Variants in HMGXB3 observed in about 807,000 individuals in gnomAD.
HMGXB3 encodes HMG-box containing 3, also known as HMG domain-containing protein 3.
Under a neutral mutation model 121.5 loss-of-function variants are expected in HMGXB3, and 45 were observed. The ratio of observed to expected loss-of-function variants is 0.37; its 90% CI spans 0.29 to 0.47. The LOEUF (loss-of-function observed/expected upper bound fraction) is 0.47. HMGXB3 is among the 20% of genes least tolerant of loss of function. HMGXB3 has a pLI of 0.99. For missense variants in HMGXB3, 1,376 were observed against 1,602.2 expected, an observed-to-expected ratio of 0.86 and a Z score of 2.41; for synonymous variants, 590 against 624.1, an observed-to-expected ratio of 0.95 and a Z score of 0.81.
At chr5:150,037,078 G>A in intron 12 of HMGXB3, 141 bp downstream of exon 12, 3 of 786,754 alleles carry the variant, frequency 3.8e-6, no homozygotes, top group Admixed American at 3.0e-5. Context: ...TCTGATTGCT[G>A]AAAGTAAAGT....
rs1448225662 is a variant in HMGXB3 at position 150,050,448 on chromosome 5, C to T, written c.3398C>T (p.Thr1133Ile). The change falls in exon 19 of 20, where the codon ACA (threonine) becomes ATA (isoleucine). Residue 1133 changes from threonine (T) to isoleucine (I), a missense_variant. Around this residue, in one of 2 missense-constraint regions of HMGXB3, gnomAD observed 260 missense variants for 233.2 expected, o/e 1.11. Transcript: ENST00000502717. ...AACCAGGGCTGTTTCTCTAGCCCCA[C>T]AGAGCCACCTGTGGTGAGTCACCTC... ...GRNQGCFSSP[T>I]EPPVSVSCPE... The T allele has an allele frequency of 2.6e-6, 4 of 1,551,084 alleles. No individual in the cohort carries two copies. The highest frequency in any genetic ancestry group is 3.5e-6 in the Non-Finnish European group (4 of 1,146,556).
chr5:150,011,591 T>C (rs1421116360), intron 4 of HMGXB3, among the ~76,000 whole-genome samples: 1 of 137,014 alleles, frequency 7.3e-6, no homozygotes, highest in Non-Finnish European at 1.5e-5. Context: ...TTGTTGTTGG[T>C]TGTTTTTTTT....
chr5:150,022,020 C>T (rs1756107699), intron 6 of HMGXB3: 2 of 362,728 alleles, frequency 5.5e-6, no homozygotes, highest in South Asian at 2.2e-5. Context: ...CGCAGCTCCG[C>T]ACCACCTATG....
At chr5:150,032,125 A>C (rs754369596) in intron 10 of HMGXB3, among the ~76,000 whole-genome samples, 1 of 152,332 alleles carries the variant, frequency 6.6e-6, no homozygotes, top group East Asian at 1.9e-4. Flanking sequence ...TTAGTTCACC[A>C]GTCTCAAGCA....
intron 2 of HMGXB3, 84 bp downstream of exon 2, chr5:150,005,073 CTT>C: frequency 6.8e-7 from 1 of 1,467,306 alleles, no homozygotes; most frequent in Non-Finnish European, 9.0e-7. Context: ...TTTTAAGACT[CTT>C]TGAAAAAGAG....
chr5:150,049,921 T>C (rs1756850957), intron 18 of HMGXB3, among the ~76,000 whole-genome samples: 2 of 152,232 alleles, frequency 1.3e-5, no homozygotes, highest in Non-Finnish European at 1.5e-5. Context: ...AACCAGCTCT[T>C]AGCTGCTGCT....
rs1410036454 is a variant in HMGXB3 at position 150,026,940 on chromosome 5, G to T, written c.1636+59G>T. 6.2e-5 allele frequency: 94 copies of T among 1,523,942 alleles called. 1 individual carries two copies. Among genetic ancestry groups the T allele is most frequent in the Non-Finnish European group, 7.3e-5 (83 of 1,130,434 alleles). The allele number at this position is 1,523,942 out of a possible 1,614,324, so 94.4% of individuals were successfully genotyped here. The stretch of plus-strand genomic sequence containing the variant: ...TGTCTGACAGGAAAGGGACAGGAGT[G>T]GGGGGTTGAGAACGGACATAGAGAC... On this transcript the variant is annotated intron_variant, in intron 8 of 19. Coordinates refer to ENST00000502717, the MANE Select transcript of HMGXB3 (RefSeq NM_014983.3).
rs1561864943 is a variant in HMGXB3, at chr5:150,024,277, G to A, written c.1057G>A (p.Val353Ile). 1 of 1,533,138 alleles carries A rather than the reference G, an allele frequency of 6.5e-7. No homozygotes were observed. The allele number at this position is 1,533,138 out of a possible 1,614,324, so 95.0% of individuals were successfully genotyped here. ...ATTTTTCTAGGAAAAGCCAGCCAAA[G>A]TAAAAGTGGAATTGGCTTCTGGCGT... ...KWIPKEKPAK[V>I]KVELASGVSS... The change falls in exon 7 of 20, where the codon GTA becomes ATA. Residue 353 changes from valine to isoleucine, a missense_variant. Around this residue, in one of 2 missense-constraint regions of HMGXB3, gnomAD observed 1,116 missense variants for 1,369.0 expected, o/e 0.82. Transcript: ENST00000502717.
intron 1 of HMGXB3, among the ~76,000 whole-genome samples, chr5:150,004,125 C>G (rs979031925): frequency 1.3e-5 from 2 of 151,986 alleles, no homozygotes; most frequent in African/African-American, 4.8e-5. Context: ...CCTCCCATCT[C>G]AGCCTCCCAA....
At position 150,047,774 on chromosome 5, in the gene HMGXB3, G is replaced by A. The variant is rs1456918864; in HGVS notation, c.3084+17G>A. ...GACTCCAAGGTGAGTGTCAAGGGCAGTGGTGGATATCGGGGCTTCTGGAGT... is the reference window on the plus strand; with the variant it reads ...GACTCCAAGGTGAGTGTCAAGGGCAATGGTGGATATCGGGGCTTCTGGAGT... On this transcript the variant is annotated intron_variant, in intron 17 of 19. Coordinates refer to ENST00000502717, the MANE Select transcript of HMGXB3 (RefSeq NM_014983.3). 1.3e-6 allele frequency: 2 copies of A among 1,551,550 alleles called. No homozygotes were observed. Among genetic ancestry groups the A allele is most frequent in the African/African-American group, 2.7e-5 (2 of 73,066 alleles).
chr5:150,023,457 T>C (rs1048939580), intron 6 of HMGXB3, among the ~76,000 whole-genome samples: 6 of 152,210 alleles, frequency 3.9e-5, no homozygotes, highest in Non-Finnish European at 5.9e-5. Context: ...TGTTTCCTAG[T>C]TTACAGTGCC....
chr5:150,035,684 G>A (rs1445317969), intron 11 of HMGXB3, among the ~76,000 whole-genome samples: 3 of 152,080 alleles, frequency 2.0e-5, no homozygotes, highest in Non-Finnish European at 4.4e-5. Flanking sequence ...CAGTCAAGGG[G>A]TGCACTCAGA....
chr5:150,003,961 A>G (rs1755638180), intron 1 of HMGXB3, among the ~76,000 whole-genome samples: 1 of 151,278 alleles, frequency 6.6e-6, no homozygotes, highest in Non-Finnish European at 1.5e-5. Context: ...AAACAAAAAC[A>G]AAAAACCCAA....
chr5:150,046,692 G>T (rs1263291415), intron 16 of HMGXB3, among the ~76,000 whole-genome samples: 1 of 151,882 alleles, frequency 6.6e-6, no homozygotes, highest in Non-Finnish European at 1.5e-5. Context: ...GGCGCCTGTA[G>T]TCCCAGCTAC....
intron 2 of HMGXB3, among the ~76,000 whole-genome samples, chr5:150,005,873 C>T (rs1295048245): frequency 2.0e-5 from 3 of 152,122 alleles, no homozygotes; most frequent in Admixed American, 6.5e-5. Flanking sequence ...GAAGCTTTCC[C>T]TGAGAGTGGA....
intron 9 of HMGXB3, among the ~76,000 whole-genome samples, chr5:150,028,553 ATATATATTTTT>A (rs1756296707): frequency 1.7e-5 from 1 of 59,074 alleles, no homozygotes; most frequent in African/African-American, 9.4e-5. Flanking sequence ...ATATATATAT[ATATATATTTTT>A]TTTTTTTTTT....
intron 15 of HMGXB3, among the ~76,000 whole-genome samples, chr5:150,042,433 G>A (rs1756657888): frequency 6.6e-6 from 1 of 152,204 alleles, no homozygotes; most frequent in African/African-American, 2.4e-5. Flanking sequence ...AGAGGGCAGT[G>A]AGGGGGGAAG....
intron 15 of HMGXB3, among the ~76,000 whole-genome samples, chr5:150,044,449 T>G (rs1346950614): frequency 1.3e-5 from 2 of 150,216 alleles, no homozygotes; most frequent in African/African-American, 2.5e-5. Context: ...AGGAATAAGG[T>G]GAGGAGAGGA....
In HMGXB3 at chr5:150,052,409, T is replaced by G; in HGVS notation, c.*217T>G. 1 of 556,448 alleles carries G rather than the reference T, an allele frequency of 1.8e-6. No individual in the cohort carries two copies. Among genetic ancestry groups the G allele is most frequent in the Non-Finnish European group, 3.2e-6 (1 of 311,582 alleles). 34.5% of individuals were successfully genotyped at this position (556,448 alleles called of 1,614,324 possible). On this transcript the variant is annotated 3_prime_UTR_variant, in exon 20 of 20. Transcript: ENST00000502717. ...GTCAGGAGTGGTACCAGGAAACCTC[T>G]TCTGGCCCCGAGAGAGCACTTGGGG...
Sources: gnomAD v4.1 joint callset for allele counts (sites outside exome capture counted in the v4.1 genomes callset) on GRCh38, gnomAD v4.1.1 for gene constraint, gnomAD v4.1.1 regional missense constraint, MANE v1.5 for transcripts, NCBI Gene and HGNC (gene_info 2026-07-23, HGNC 2026-07-21) for gene names.